The following CSF2RA variants were observed in gnomAD, a reference collection of about 807,000 sequenced individuals.
CSF2RA encodes the protein granulocyte-macrophage colony-stimulating factor receptor subunit alpha.
Under a neutral mutation model 51.6 loss-of-function variants are expected in CSF2RA, and 42 were observed. That is an observed-to-expected ratio of 0.81 (90% CI 0.64 to 1.05). The LOEUF is 1.05. CSF2RA is among the 50% of genes least tolerant of loss of function. The probability of loss-of-function intolerance (pLI) is 0.00; values close to 1 mark genes in which losing one functional copy is unlikely to be tolerated. For synonymous variants in CSF2RA, 222 were observed against 193.0 expected (o/e 1.15, Z -1.24); for missense variants, 530 against 501.1 (o/e 1.06, Z -0.55).
downstream of CSF2RA, among the ~76,000 whole-genome samples, chrX:1,314,894 GAACC>G (rs1240194306): frequency 1.0e-4 from 9 of 87,918 alleles, no homozygotes; most frequent in South Asian, 3.8e-4. Flanking sequence ...CAACCACACT[GAACC>G]TGCTCAACCC....
chrX:1,280,065 C>T (rs1163562122), intron 2 of CSF2RA, among the ~76,000 whole-genome samples: 3 of 151,850 alleles, frequency 2.0e-5, no homozygotes, highest in Non-Finnish European at 2.9e-5. Flanking sequence ...GCTGGGATTA[C>T]AGGCGTGAGC....
intron 1 of CSF2RA, among the ~76,000 whole-genome samples, chrX:1,270,411 G>T (rs2088220259): frequency 6.6e-6 from 1 of 151,984 alleles, no homozygotes; most frequent in Admixed American, 6.6e-5. Context: ...GCAAATATTT[G>T]TATTTTTGTA....
At chrX:1,275,849 C>T (rs1468807935) in intron 2 of CSF2RA, among the ~76,000 whole-genome samples, 2 of 152,074 alleles carry the variant, frequency 1.3e-5, no homozygotes, top group Non-Finnish European at 2.9e-5. Flanking sequence ...CCCGCCACCA[C>T]GCCCGGCCAA....
At chrX:1,277,040 A>C (rs2089271711) in intron 2 of CSF2RA, among the ~76,000 whole-genome samples, 1 of 152,046 alleles carries the variant, frequency 6.6e-6, no homozygotes, top group African/African-American at 2.4e-5. Flanking sequence ...TGGAGGTTGC[A>C]GTGAGCTGAG....
chrX:1,289,445 G>C (rs1158041093), intron 6 of CSF2RA, among the ~76,000 whole-genome samples: 2 of 151,992 alleles, frequency 1.3e-5, no homozygotes, highest in Non-Finnish European at 2.9e-5. Flanking sequence ...TTTGGTTGTT[G>C]TTTTGTTTTG....
the CSF2RA span, among the ~76,000 whole-genome samples, chrX:1,315,648 G>T: frequency 2.6e-5 from 4 of 152,124 alleles, no homozygotes; most frequent in African/African-American, 9.6e-5. Context: ...CAAGTGATCT[G>T]CCCGCCTCAG....
intron 2 of CSF2RA, among the ~76,000 whole-genome samples, chrX:1,279,601 C>T (rs1477700062): frequency 1.3e-5 from 2 of 151,672 alleles, no homozygotes; most frequent in Non-Finnish European, 2.9e-5. Flanking sequence ...AAGCAGGCTC[C>T]AAGAAGCGGG....
chrX:1,305,820 C>T, intron 12 of CSF2RA: 1 of 1,538,768 alleles, frequency 6.5e-7, no homozygotes, highest in Non-Finnish European at 8.8e-7. Context: ...GTGGCTCATG[C>T]CTGTCATCCC....
At chrX:1,274,866 T>C (rs2088961042) in intron 2 of CSF2RA, 48 bp downstream of exon 2, 1 of 453,306 alleles carries the variant, frequency 2.2e-6, no homozygotes, top group Non-Finnish European at 4.4e-6. Context: ...GGATTTTCTT[T>C]TTTTTAAGTG....
chrX:1,302,567 C>T (rs1413724846), intron 10 of CSF2RA, among the ~76,000 whole-genome samples: 3 of 152,102 alleles, frequency 2.0e-5, no homozygotes, highest in Admixed American at 6.6e-5. Flanking sequence ...TGCAATGGCA[C>T]GATCTCAGCT....
intron 6 of CSF2RA, among the ~76,000 whole-genome samples, chrX:1,290,134 G>C (rs1382018434): frequency 8.5e-6 from 1 of 117,986 alleles, no homozygotes; most frequent in Non-Finnish European, 1.8e-5. Context: ...TTTATGTTTT[G>C]TTTTGTGTTT....
At chrX:1,287,388 G>A (rs778942600) in intron 4 of CSF2RA, among the ~76,000 whole-genome samples, 102 of 142,338 alleles carry the variant, frequency 7.2e-4, no homozygotes, top group African/African-American at 2.5e-3. Context: ...TCCTGACCTC[G>A]TGATCCACCC....
At chrX:1,281,286 T>C (rs1418245586) in intron 2 of CSF2RA, among the ~76,000 whole-genome samples, 283 of 57,264 alleles carry the variant, frequency 4.9e-3, no homozygotes, top group Admixed American at 6.7e-3. Context: ...TCTCCTCCTC[T>C]TCCTCCTACT....
At chrX:1,317,067 C>G in the CSF2RA span, among the ~76,000 whole-genome samples, 2 of 151,804 alleles carry the variant, frequency 1.3e-5, no homozygotes, top group Admixed American at 1.3e-4. Flanking sequence ...CTGCCTCAGC[C>G]TCCCGAGTAG....
chrX:1,306,862 GGAGA>G (rs60163712), intron 12 of CSF2RA, among the ~76,000 whole-genome samples: 3 of 149,698 alleles, frequency 2.0e-5, no homozygotes, highest in South Asian at 2.1e-4. Flanking sequence ...CACAGAGAGG[GGAGA>G]GAGAGAGAGA....
chrX:1,311,052 A>G (rs2084157870), downstream of CSF2RA, among the ~76,000 whole-genome samples: 1 of 152,034 alleles, frequency 6.6e-6, no homozygotes, highest in African/African-American at 2.4e-5. Context: ...GTTCGAGACC[A>G]GCCTGGGCAA....
chrX:1,321,359 C>A, the CSF2RA span, among the ~76,000 whole-genome samples: 276 of 152,136 alleles, frequency 1.8e-3, no homozygotes, highest in African/African-American at 6.4e-3. Context: ...GTCCCAGCTA[C>A]TCGGGAGGCT....
At chrX:1,315,009 C>A (rs867733725), downstream of CSF2RA, among the ~76,000 whole-genome samples, 11 of 131,104 alleles carry the variant, frequency 8.4e-5, 2 homozygotes, top group East Asian at 2.1e-4. Flanking sequence ...AACCCCACTG[C>A]ACCTGCCCAA....
chrX:1,300,405 A>C (rs2092290908), intron 9 of CSF2RA, 86 bp from the exon 10 acceptor site: 1 of 1,498,236 alleles, frequency 6.7e-7, no homozygotes, highest in Non-Finnish European at 9.1e-7. Context: ...AGGAGAAAAA[A>C]ACTTAAAAGA....
Sources: gnomAD v4.1 joint callset for allele counts (sites outside exome capture counted in the v4.1 genomes callset) on GRCh38, gnomAD v4.1.1 for gene constraint, MANE v1.5 for transcripts, NCBI Gene and HGNC (gene_info 2026-07-23, HGNC 2026-07-21) for gene names.